Variants in CENPH observed in about 807,000 individuals in gnomAD.
The protein encoded by CENPH is CENP-H.
Under a neutral mutation model 42.9 loss-of-function variants are expected in CENPH, and 40 were observed. That is an observed-to-expected ratio of 0.93 (90% CI 0.72 to 1.21). CENPH has a LOEUF of 1.21. Ranked by LOEUF, CENPH falls within the 50% of genes most tolerant of loss-of-function variation. The pLI is 0.00. For missense variants in CENPH, 302 were observed against 292.9 expected, an observed-to-expected ratio of 1.03 and a Z score of -0.23; for synonymous variants, 88 against 96.5, an observed-to-expected ratio of 0.91 and a Z score of 0.52.
chr5:69,205,700 A>ATTT (rs1748143956), intron 7 of CENPH, among the ~76,000 whole-genome samples: 1 of 106,034 alleles, frequency 9.4e-6, no homozygotes, highest in African/African-American at 3.9e-5. Context: ...TTCTGTAGAT[A>ATTT]TCTTTTTTTT....
At chr5:69,194,561 CT>C (rs1747932076) in intron 2 of CENPH, 85 bp from the exon 3 acceptor site, 3 of 707,940 alleles carry the variant, frequency 4.2e-6, no homozygotes, top group Admixed American at 2.7e-5. Context: ...TAAATGATGT[CT>C]TTTGCCCTTG....
intron 7 of CENPH, among the ~76,000 whole-genome samples, chr5:69,204,984 T>C (rs935796577): frequency 6.7e-6 from 1 of 149,348 alleles, no homozygotes; most frequent in African/African-American, 2.5e-5. Context: ...AGTGGTGCGA[T>C]CTCAGCTCAT....
chr5:69,204,073 TA>T (rs1748107903), intron 7 of CENPH, among the ~76,000 whole-genome samples: 2 of 112,288 alleles, frequency 1.8e-5, no homozygotes, highest in African/African-American at 3.1e-5. Context: ...ATATATATAA[TA>T]TATAAATATA....
chr5:69,194,052 G>A (rs1321790801), intron 2 of CENPH, among the ~76,000 whole-genome samples: 2 of 152,084 alleles, frequency 1.3e-5, no homozygotes, highest in Non-Finnish European at 2.9e-5. Flanking sequence ...CTATCCTATG[G>A]GATAGCATAG....
At chr5:69,200,627 C>T (rs1748041656) in intron 5 of CENPH, among the ~76,000 whole-genome samples, 1 of 148,558 alleles carries the variant, frequency 6.7e-6, no homozygotes, top group Non-Finnish European at 1.5e-5. Flanking sequence ...GTTGCTTCTA[C>T]AGTGTTTTTC....
At chr5:69,194,833 A>G (rs755786083) in intron 3 of CENPH, 138 bp downstream of exon 3, 1 of 498,860 alleles carries the variant, frequency 2.0e-6, no homozygotes, top group Non-Finnish European at 3.5e-6. Context: ...TGAAGCCACA[A>G]CCTCCTGGGC....
intron 2 of CENPH, among the ~76,000 whole-genome samples, chr5:69,193,870 C>CT (rs1747920587): frequency 6.6e-6 from 1 of 151,900 alleles, no homozygotes; most frequent in South Asian, 2.1e-4. Context: ...AGGCTGGTCT[C>CT]TTAACTCCTG....
Position 69,201,871 on chromosome 5 carries a change from G to A in CENPH, c.372-635G>A, listed in dbSNP as rs1387137588. Among the ~76,000 whole-genome samples the A allele has an allele frequency of 2.0e-4, 31 of 152,116 alleles. 1 individual carries two copies. Among genetic ancestry groups the A allele is most frequent in the Admixed American group, 1.9e-3 (29 of 15,262 alleles). The stretch of plus-strand genomic sequence containing the variant: ...AGACCCTGTCACAGAAAACAAACCC[G>A]TAGGCTATACACAAGCAAGAGTGAA... On this transcript the variant is annotated intron_variant, in intron 5 of 8. Transcript: ENST00000283006.
chr5:69,191,298 G>A (rs1485842178), intron 1 of CENPH, among the ~76,000 whole-genome samples: 1 of 152,186 alleles, frequency 6.6e-6, no homozygotes, highest in Non-Finnish European at 1.5e-5. Context: ...GGATCACGAG[G>A]TCAGGAGATC....
At chr5:69,202,447 A>G in intron 5 of CENPH, 59 bp from the exon 6 acceptor site, 2 of 949,206 alleles carry the variant, frequency 2.1e-6, no homozygotes, top group Admixed American at 4.0e-5. Context: ...AATGACAGCT[A>G]TTATTTTTAA....
At chr5:69,199,789 A>G (rs1410016449) in intron 5 of CENPH, among the ~76,000 whole-genome samples, 1 of 152,164 alleles carries the variant, frequency 6.6e-6, no homozygotes, top group African/African-American at 2.4e-5. Flanking sequence ...CTGTGGGACA[A>G]TTGGGCCAGT....
Position 69,202,987 on chromosome 5 carries a change from T to C in CENPH, c.487+17T>C. The C allele has an allele frequency of 6.4e-7, 1 of 1,560,022 alleles. No homozygotes were observed. Among genetic ancestry groups the C allele is most frequent in the East Asian group, 2.3e-5 (1 of 44,286 alleles). On this transcript the variant is annotated intron_variant, in intron 7 of 8. Coordinates refer to ENST00000283006, the MANE Select transcript of CENPH (RefSeq NM_022909.4). ...AGAGATTGCGTATGTAGAACACTTTTTTTTTGGCAGAACACATTTTGCTTA... is the reference window on the plus strand; with the variant it reads ...AGAGATTGCGTATGTAGAACACTTTCTTTTTGGCAGAACACATTTTGCTTA...
chr5:69,201,829 G>A (rs896191827), intron 5 of CENPH, among the ~76,000 whole-genome samples: 1 of 152,208 alleles, frequency 6.6e-6, no homozygotes, highest in African/African-American at 2.4e-5. Flanking sequence ...GTGCACTCCA[G>A]CCTGGGTGGC....
intron 2 of CENPH, among the ~76,000 whole-genome samples, chr5:69,193,054 G>A (rs899621440): frequency 3.3e-5 from 5 of 151,726 alleles, no homozygotes; most frequent in Non-Finnish European, 7.4e-5. Flanking sequence ...GCGAGATCAC[G>A]CCATTGCACT....
rs774634002 is a variant in CENPH, at chr5:69,189,595, C to T, written c.-40C>T. 3 of 1,539,632 alleles carry T rather than the reference C, an allele frequency of 1.9e-6. No individual in the cohort carries two copies. Among genetic ancestry groups the T allele is most frequent in the South Asian group, 1.2e-5 (1 of 84,002 alleles). On this transcript the variant is annotated 5_prime_UTR_variant, in exon 1 of 9. Transcript: ENST00000283006. ...CGGGAAAAGCGACCTTTTCTGAGCG[C>T]GTTTGCCTGTTGAGTGGTAGCCTTT...
rs1167724658 is a variant in CENPH at position 69,189,696 on chromosome 5, G to T, written c.62G>T (p.Arg21Leu). The T allele has an allele frequency of 1.3e-6, 2 of 1,581,762 alleles. No individual in the cohort carries two copies. Among genetic ancestry groups the T allele is most frequent in the East Asian group, 2.3e-5 (1 of 43,502 alleles). Reference sequence around the variant, plus strand: ...CCCGCGGACTCCGGAGGGGAAGGCCGGGCAGGCGGGCCACCGCAGGTCGCC... The same window carrying T: ...CCCGCGGACTCCGGAGGGGAAGGCCTGGCAGGCGGGCCACCGCAGGTCGCC... ...DEPADSGGEG[R>L]AGGPPQVAGA... is the part of the protein sequence containing the mutation. Residue 21 changes from arginine (R) to leucine (L), a missense_variant, in exon 1 of 9, where the codon CGG (arginine) becomes CTG (leucine). Physicochemically the swap from Arg to Leu is moderately radical, Grantham distance 102. Transcript: ENST00000283006.
At chr5:69,190,861 A>G (rs1159291129) in intron 1 of CENPH, among the ~76,000 whole-genome samples, 4 of 152,164 alleles carry the variant, frequency 2.6e-5, no homozygotes, top group Non-Finnish European at 5.9e-5. Flanking sequence ...ATTGCACTCC[A>G]GCCTGGGCAA....
rs184899457 is a variant in CENPH at position 69,205,289 on chromosome 5, G to A, written c.487+2319G>A. ...GTTGTCCAAGCTGGAGTGCAGTGGC[G>A]CGATCTTGGCTCTCTGCAACCTCTG... is the stretch of plus-strand genomic sequence containing the variant. On this transcript the variant is annotated intron_variant, in intron 7 of 8. Transcript: ENST00000283006. Among the ~76,000 whole-genome samples the A allele has an allele frequency of 2.0e-3, 306 of 151,732 alleles. 1 individual carries two copies. The highest frequency in any genetic ancestry group is 0.014 in the Middle Eastern group (4 of 294).
At chr5:69,197,843 A>G (rs1747989612) in intron 5 of CENPH, among the ~76,000 whole-genome samples, 2 of 147,130 alleles carry the variant, frequency 1.4e-5, no homozygotes, top group African/African-American at 4.9e-5. Flanking sequence ...ATTATGAGCA[A>G]AAAAAAAAAA....
Sources: gnomAD v4.1 joint callset for allele counts (sites outside exome capture counted in the v4.1 genomes callset) on GRCh38, gnomAD v4.1.1 for gene constraint, MANE v1.5 for transcripts, NCBI Gene and HGNC (gene_info 2026-07-23, HGNC 2026-07-21) for gene names.